Variants in SMYD3 observed in about 807,000 individuals in gnomAD.
SMYD3 encodes the protein histone-lysine N-methyltransferase SMYD3.
SMYD3 carries 36 observed loss-of-function variants against 57.7 expected under a neutral mutation model. The observed-to-expected ratio is 0.62, with a 90% confidence interval of 0.48 to 0.82. The LOEUF (loss-of-function observed/expected upper bound fraction) is 0.82. Among genes scored for constraint, SMYD3 ranks in the 40% least tolerant of loss-of-function variants. SMYD3 has a pLI of 0.00. For synonymous variants in SMYD3, 211 were observed against 195.0 expected, an observed-to-expected ratio of 1.08 and a Z score of -0.68; for missense variants, 515 against 538.8, an observed-to-expected ratio of 0.96 and a Z score of 0.44.
At chr1:246,105,624 AAC>A (rs1456271792) in intron 5 of SMYD3, among the ~76,000 whole-genome samples, 7 of 152,216 alleles carry the variant, frequency 4.6e-5, no homozygotes, top group Admixed American at 6.5e-5. Flanking sequence ...TAGAAAGAAT[AAC>A]ACAGACAACG....
At chr1:246,328,667 T>A (rs1313388148) in intron 4 of SMYD3, among the ~76,000 whole-genome samples, 1 of 151,634 alleles carries the variant, frequency 6.6e-6, no homozygotes, top group Non-Finnish European at 1.5e-5. Context: ...GGTAAATATA[T>A]GTTTTTTTAT....
At chr1:245,995,692 G>C (rs917325016) in intron 5 of SMYD3, among the ~76,000 whole-genome samples, 1 of 152,212 alleles carries the variant, frequency 6.6e-6, no homozygotes, top group Non-Finnish European at 1.5e-5. Context: ...CAGCCTGCAG[G>C]GCTGACGGAG....
At chr1:246,374,297 T>C (rs557575570) in intron 1 of SMYD3, among the ~76,000 whole-genome samples, 1 of 152,334 alleles carries the variant, frequency 6.6e-6, no homozygotes, top group African/African-American at 2.4e-5. Context: ...TATTCACTTA[T>C]ATTTATCTGT....
At chr1:246,457,912 A>G (rs528081020) in intron 1 of SMYD3, among the ~76,000 whole-genome samples, 1 of 152,330 alleles carries the variant, frequency 6.6e-6, no homozygotes, top group East Asian at 1.9e-4. Context: ...AGGCCCTACT[A>G]TGTGACAGTC....
At chr1:246,424,554 A>G (rs1351876147) in intron 1 of SMYD3, among the ~76,000 whole-genome samples, 1 of 152,252 alleles carries the variant, frequency 6.6e-6, no homozygotes, top group East Asian at 1.9e-4. Flanking sequence ...ACTAATTGAT[A>G]TAAATGTCTG....
At chr1:246,205,321 G>A (rs924722758) in intron 5 of SMYD3, among the ~76,000 whole-genome samples, 2 of 152,176 alleles carry the variant, frequency 1.3e-5, no homozygotes, top group African/African-American at 4.8e-5. Flanking sequence ...CCAATGAAGT[G>A]CTCCAAACCC....
At chr1:245,947,503 T>C in intron 5 of SMYD3, 1 of 446,732 alleles carries the variant, frequency 2.2e-6, no homozygotes, top group Non-Finnish European at 4.5e-6. Context: ...TCAGTTGCTT[T>C]ATGTGGGGTA....
In SMYD3 at chr1:246,180,619, A is replaced by C. The variant is rs111577098; in HGVS notation, c.531+146582T>G. 1.6e-3 allele frequency among the ~76,000 whole-genome samples: 243 copies of C among 151,150 alleles called. 1 individual carries two copies. Among genetic ancestry groups the C allele is most frequent in the African/African-American group, 5.5e-3 (225 of 41,260 alleles). On this transcript the variant is annotated intron_variant, in intron 5 of 11. Transcript: ENST00000490107. The stretch of plus-strand genomic sequence containing the variant: ...AAAAATACAAAAAAAGTTAGCTGGG[A>C]GTGGTGGTGGATGCCTGTAGTCCCA...
intron 5 of SMYD3, among the ~76,000 whole-genome samples, chr1:246,266,080 T>C (rs1469336804): frequency 6.6e-6 from 1 of 152,214 alleles, no homozygotes; most frequent in East Asian, 1.9e-4. Context: ...TTAGTTCTTG[T>C]TTGCTGAACA....
Position 246,398,220 on chromosome 1 carries a change from G to A in SMYD3, c.165-43126C>T, listed in dbSNP as rs568901355. On this transcript the variant is annotated intron_variant, in intron 1 of 11. Coordinates refer to ENST00000490107, the MANE Select transcript of SMYD3 (RefSeq NM_001167740.2). ...CTCTTCCCATCATCCTAATCTCATC[G>A]GCTTTCATTAATTTTACAAAGGCAG... Among the ~76,000 whole-genome samples, 60 of 152,208 alleles carry A rather than the reference G, an allele frequency of 3.9e-4. 1 individual carries two copies. The highest frequency in any genetic ancestry group is 1.3e-3 in the African/African-American group (55 of 41,534).
rs143427421 is a variant in SMYD3 at position 246,201,984 on chromosome 1, G to A, written c.531+125217C>T. 1.1e-3 allele frequency among the ~76,000 whole-genome samples: 166 copies of A among 151,032 alleles called. 1 individual carries two copies. Among genetic ancestry groups the A allele is most frequent in the African/African-American group, 3.9e-3 (160 of 40,944 alleles). On this transcript the variant is annotated intron_variant, in intron 5 of 11. Coordinates refer to ENST00000490107, the MANE Select transcript of SMYD3 (RefSeq NM_001167740.2). Reference sequence around the variant, plus strand: ...GCTGAGATCATGCCATTGCACTCCAGCCTGGGCAACAGAGACTCTGTCTCA... The same window carrying A: ...GCTGAGATCATGCCATTGCACTCCAACCTGGGCAACAGAGACTCTGTCTCA...
chr1:246,451,536 T>G (rs1471951505), intron 1 of SMYD3, among the ~76,000 whole-genome samples: 4 of 152,202 alleles, frequency 2.6e-5, no homozygotes, highest in Non-Finnish European at 4.4e-5. Flanking sequence ...GGGAAATTAC[T>G]CTATGATATG....
intron 1 of SMYD3, among the ~76,000 whole-genome samples, chr1:246,446,049 T>C (rs1257060317): frequency 1.3e-5 from 2 of 152,166 alleles, no homozygotes; most frequent in African/African-American, 2.4e-5. Flanking sequence ...CTAGAATTGG[T>C]TGTTTTTTTA....
intron 10 of SMYD3, among the ~76,000 whole-genome samples, chr1:245,774,339 G>C (rs2046453827): frequency 1.3e-5 from 2 of 152,168 alleles, no homozygotes. Context: ...GTAACAGAAG[G>C]AAACAGATTA....
At chr1:245,778,416 A>G (rs1025772290) in intron 10 of SMYD3, among the ~76,000 whole-genome samples, 2 of 152,198 alleles carry the variant, frequency 1.3e-5, no homozygotes, top group East Asian at 1.9e-4. Flanking sequence ...GAACAATTCA[A>G]TGGAGTAAGG....
intron 5 of SMYD3, among the ~76,000 whole-genome samples, chr1:246,136,136 A>C (rs1031894365): frequency 1.6e-4 from 25 of 152,212 alleles, no homozygotes; most frequent in African/African-American, 5.8e-4. Context: ...ACCATTTCAA[A>C]TTAGCACCAA....
intron 1 of SMYD3, among the ~76,000 whole-genome samples, chr1:246,443,819 TAATGA>T (rs1322272685): frequency 6.6e-6 from 1 of 152,216 alleles, no homozygotes; most frequent in Non-Finnish European, 1.5e-5. Context: ...CTCTTTTACT[TAATGA>T]AATATGTCCA....
rs542742183 is a variant in SMYD3 at position 245,841,381 on chromosome 1, T to C, written c.1076+17115A>G. 7.9e-5 allele frequency among the ~76,000 whole-genome samples: 12 copies of C among 152,334 alleles called. No homozygotes were observed. The South Asian group carries it at 1.2e-3, about 16-fold the overall frequency. On this transcript the variant is annotated intron_variant, in intron 10 of 11. Coordinates refer to ENST00000490107, the MANE Select transcript of SMYD3 (RefSeq NM_001167740.2). ...GGTTTCTTTTGGACATTTCTGGATA[T>C]CATTTTTAACTTTGCTTAAAATTTT...
At chr1:246,459,032 C>T (rs2067750696) in intron 1 of SMYD3, among the ~76,000 whole-genome samples, 2 of 152,030 alleles carry the variant, frequency 1.3e-5, no homozygotes, top group Admixed American at 6.5e-5. Flanking sequence ...TTGTAATCCC[C>T]GTGTGTTGAA....
Sources: allele counts gnomAD v4.1 joint callset (sites outside exome capture counted in the v4.1 genomes callset), GRCh38; gene constraint gnomAD v4.1.1; transcripts MANE v1.5; gene names NCBI Gene and HGNC (gene_info 2026-07-23, HGNC 2026-07-21).